Variants in ENTREP2 observed in about 807,000 individuals in gnomAD.
ENTREP2 encodes endosomal transmembrane epsin interactor 2.
the ENTREP2 span, among the ~76,000 whole-genome samples, chr15:29,396,875 T>A: frequency 1.3e-5 from 2 of 152,230 alleles, no homozygotes; most frequent in Non-Finnish European, 2.9e-5. Flanking sequence ...AATTCAGTTA[T>A]ACAAGGAGTG....
At chr15:29,388,462 A>G in the ENTREP2 span, among the ~76,000 whole-genome samples, 1 of 152,190 alleles carries the variant, frequency 6.6e-6, no homozygotes, top group South Asian at 2.1e-4. Flanking sequence ...AAAAGTCAGG[A>G]AACAACAGGT....
At chr15:29,164,722 A>G in the ENTREP2 span, among the ~76,000 whole-genome samples, 3 of 152,174 alleles carry the variant, frequency 2.0e-5, no homozygotes, top group Admixed American at 2.0e-4. Context: ...CAGCAACACA[A>G]TAATAGTGGG....
At chr15:29,199,872 G>A in the ENTREP2 span, among the ~76,000 whole-genome samples, 1 of 152,144 alleles carries the variant, frequency 6.6e-6, no homozygotes. Context: ...TTGATTGCAT[G>A]ACCCATTTTC....
the ENTREP2 span, among the ~76,000 whole-genome samples, chr15:29,366,352 G>A: frequency 6.6e-6 from 1 of 152,168 alleles, no homozygotes; most frequent in African/African-American, 2.4e-5. Flanking sequence ...TGGGATTACA[G>A]GCGTGAGCCA....
chr15:29,286,885 T>A, the ENTREP2 span, among the ~76,000 whole-genome samples: 1 of 152,220 alleles, frequency 6.6e-6, no homozygotes, highest in East Asian at 1.9e-4. Flanking sequence ...TACCAGGAAC[T>A]CCCTGGCACA....
At chr15:29,478,132 C>G in the ENTREP2 span, among the ~76,000 whole-genome samples, 1 of 148,700 alleles carries the variant, frequency 6.7e-6, no homozygotes, top group Non-Finnish European at 1.5e-5. Flanking sequence ...TCACGCCATT[C>G]TCCTGCCTCA....
At chr15:29,560,254 A>G in the ENTREP2 span, among the ~76,000 whole-genome samples, 3 of 152,164 alleles carry the variant, frequency 2.0e-5, no homozygotes, top group African/African-American at 7.2e-5. Context: ...AGCAGAAGAC[A>G]CTTATTTGGA....
chr15:29,648,390 T>C, the ENTREP2 span, among the ~76,000 whole-genome samples: 1 of 152,236 alleles, frequency 6.6e-6, no homozygotes, highest in Admixed American at 6.5e-5. Context: ...CCAGCACTGC[T>C]CTGCAAGCCC....
At chr15:29,386,294 C>T in the ENTREP2 span, among the ~76,000 whole-genome samples, 1 of 152,276 alleles carries the variant, frequency 6.6e-6, no homozygotes, top group Non-Finnish European at 1.5e-5. Context: ...GGCTTTGGGA[C>T]CTGCAAACAC....
At chr15:29,504,716 T>C in the ENTREP2 span, among the ~76,000 whole-genome samples, 1 of 152,204 alleles carries the variant, frequency 6.6e-6, no homozygotes, top group Non-Finnish European at 1.5e-5. Context: ...TACTTGAATC[T>C]TAAAGATCAA....
At chr15:29,286,002 A>G in the ENTREP2 span, among the ~76,000 whole-genome samples, 1 of 152,276 alleles carries the variant, frequency 6.6e-6, no homozygotes, top group Non-Finnish European at 1.5e-5. Context: ...TTTATTCATG[A>G]TTTTTTTTAA....
At chr15:29,358,576 G>A in the ENTREP2 span, among the ~76,000 whole-genome samples, 1 of 151,996 alleles carries the variant, frequency 6.6e-6, no homozygotes, top group African/African-American at 2.4e-5. Context: ...TTCATTGTAC[G>A]TGTCATATAT....
the ENTREP2 span, among the ~76,000 whole-genome samples, chr15:29,338,710 T>TC: frequency 6.6e-6 from 1 of 152,096 alleles, no homozygotes. Context: ...CTTCAATACC[T>TC]CTTCAACACT....
chr15:29,176,078 T>C, the ENTREP2 span, among the ~76,000 whole-genome samples: 3 of 152,372 alleles, frequency 2.0e-5, no homozygotes, highest in South Asian at 6.2e-4. Context: ...CTGGCTGACA[T>C]GCAGAAGTAA....
chr15:29,499,268 G>T, the ENTREP2 span, among the ~76,000 whole-genome samples: 1 of 151,472 alleles, frequency 6.6e-6, no homozygotes, highest in African/African-American at 2.4e-5. Context: ...TTCTGTAGCA[G>T]TATGCTTTGA....
chr15:29,394,879 TCTC>T, the ENTREP2 span, among the ~76,000 whole-genome samples: 568 of 78,906 alleles, frequency 7.2e-3, 8 homozygotes, highest in African/African-American at 0.038. Context: ...TGTGTCAGAA[TCTC>T]TTTTTTTTTT....
chr15:29,478,015 ATATATTTT>A, the ENTREP2 span, among the ~76,000 whole-genome samples: 22 of 62,372 alleles, frequency 3.5e-4, no homozygotes, highest in African/African-American at 2.1e-3. Flanking sequence ...ATATATATAT[ATATATTTT>A]TTTTTTTTTT....
At chr15:29,395,681 C>T in the ENTREP2 span, among the ~76,000 whole-genome samples, 1 of 151,060 alleles carries the variant, frequency 6.6e-6, no homozygotes, top group Non-Finnish European at 1.5e-5. Context: ...GTGCATGCCA[C>T]CACACCCAGC....
the ENTREP2 span, chr15:29,268,829 C>T: frequency 5.4e-5 from 87 of 1,613,950 alleles, no homozygotes; most frequent in African/African-American, 1.0e-3. Context: ...TGAGGTCTGG[C>T]CCTGTTCTCC....
Sources: gnomAD v4.1 joint callset for allele counts (sites outside exome capture counted in the v4.1 genomes callset) on GRCh38, gnomAD v4.1.1 for gene constraint, MANE v1.5 for transcripts, NCBI Gene and HGNC (gene_info 2026-07-23, HGNC 2026-07-21) for gene names.